LARP4: variants seen among roughly 807,000 people sequenced by gnomAD.
The protein encoded by LARP4 is La ribonucleoprotein 4.
In LARP4, 29 loss-of-function variants were observed where a neutral mutation model predicts 92.9. The observed-to-expected ratio is 0.31, with a 90% CI of 0.23 to 0.43. The LOEUF (loss-of-function observed/expected upper bound fraction) is 0.43, where lower values mean the gene tolerates loss of function less well. Ranked by LOEUF, LARP4 falls within the 20% of genes least tolerant of loss-of-function variation. The pLI, the probability that LARP4 is intolerant of heterozygous loss-of-function variation, is 1.00. For missense variants in LARP4, 732 were observed against 860.0 expected (o/e 0.85, Z 1.86); for synonymous variants, 279 against 284.1 (o/e 0.98, Z 0.18).
intron 3 of LARP4, 66 bp downstream of exon 3, chr12:50,429,156 T>C (rs1949258842): frequency 8.9e-7 from 1 of 1,123,008 alleles, no homozygotes; most frequent in South Asian, 1.4e-5. Flanking sequence ...CCATGGTCTC[T>C]TTATACTTGT....
intron 6 of LARP4, 51 bp from the exon 7 acceptor site, chr12:50,440,388 C>T (rs1330533574): frequency 7.6e-7 from 1 of 1,312,466 alleles, no homozygotes; most frequent in Non-Finnish European, 1.1e-6. Flanking sequence ...ACAAAAAATG[C>T]CAATTATTGA....
chr12:50,441,629 G>A lies in LARP4; in HGVS notation c.790G>A (p.Gly264Ser). 1 of 1,601,542 alleles carries A rather than the reference G, an allele frequency of 6.2e-7. No homozygotes were observed. The highest frequency in any genetic ancestry group is 8.5e-7 in the Non-Finnish European group (1 of 1,175,766). The change falls in exon 8 of 16, where the codon GGC becomes AGC. Residue 264 changes from glycine to serine, a missense_variant. By Grantham distance (56) the Gly-to-Ser change is moderately conservative. Transcript: ENST00000398473. ...YLREEVKTFQ[G>S]KPIMARIKAI... ...AAGAGAAGAAGTTAAAACATTTCAG[G>A]GCAAGCCAATTATGGTAAGAAATAG...
intron 1 of LARP4, among the ~76,000 whole-genome samples, chr12:50,414,271 A>G (rs1946395528): frequency 6.6e-6 from 1 of 152,164 alleles, no homozygotes; most frequent in African/African-American, 2.4e-5. Context: ...ACAGTATTGT[A>G]ACCTTTCAGG....
intron 1 of LARP4, among the ~76,000 whole-genome samples, chr12:50,407,570 C>T (rs1045357917): frequency 5.9e-5 from 9 of 151,896 alleles, no homozygotes; most frequent in Non-Finnish European, 1.0e-4. Context: ...TACAGCTGGG[C>T]GGGGTGACTC....
intron 13 of LARP4, among the ~76,000 whole-genome samples, chr12:50,468,889 T>TA (rs1482113857): frequency 1.3e-5 from 2 of 152,070 alleles, no homozygotes; most frequent in East Asian, 3.9e-4. Flanking sequence ...TCAAACATAA[T>TA]ATACTATGAT....
In LARP4 at chr12:50,479,789, G is replaced by C. The variant is rs1206794944; in HGVS notation, c.*3925G>C. 6.6e-6 allele frequency: 1 copy of C among 151,960 alleles called. No individual in the cohort carries two copies. Among genetic ancestry groups the C allele is most frequent in the African/African-American group, 2.4e-5 (1 of 41,322 alleles). 9.4% of individuals were successfully genotyped at this position (151,960 alleles called of 1,614,324 possible). ...GTCCTTTGCATCTCTTAAATGTTGG[G>C]GGTGGGGGTCAGAGCCAGTTATCCG... On this transcript the variant is annotated 3_prime_UTR_variant, in exon 16 of 16. Transcript: ENST00000398473.
chr12:50,432,148 CT>C (rs1273639520), intron 4 of LARP4, among the ~76,000 whole-genome samples: 27 of 152,264 alleles, frequency 1.8e-4, no homozygotes, highest in African/African-American at 6.5e-4. Context: ...ATTTATGGGT[CT>C]GCTTCTATTG....
chr12:50,419,257 G>A (rs1947343309), intron 1 of LARP4, among the ~76,000 whole-genome samples: 1 of 152,160 alleles, frequency 6.6e-6, no homozygotes, highest in African/African-American at 2.4e-5. Flanking sequence ...CCAGGTACTT[G>A]GGAGGCTGAG....
intron 10 of LARP4, among the ~76,000 whole-genome samples, chr12:50,455,867 C>T (rs920547143): frequency 2.0e-5 from 3 of 151,940 alleles, no homozygotes; most frequent in African/African-American, 7.3e-5. Context: ...GGCAATATGA[C>T]GAAACATCAT....
chr12:50,465,814 A>C (rs1471269072), intron 12 of LARP4, among the ~76,000 whole-genome samples: 1 of 152,222 alleles, frequency 6.6e-6, no homozygotes, highest in Non-Finnish European at 1.5e-5. Flanking sequence ...AAATTTACAG[A>C]GATATACCGC....
At position 50,442,307 on chromosome 12, in the gene LARP4, G is replaced by A. The variant is rs188754567; in HGVS notation, c.804+664G>A. Reference sequence around the variant, plus strand: ...TCATCTCAATTAACTGCATCACTACGTACCATCAATACAACCATTTGGAAA... The same window carrying A: ...TCATCTCAATTAACTGCATCACTACATACCATCAATACAACCATTTGGAAA... On this transcript the variant is annotated intron_variant, in intron 8 of 15. Coordinates refer to ENST00000398473, the MANE Select transcript of LARP4 (RefSeq NM_052879.5). 5.3e-5 allele frequency among the ~76,000 whole-genome samples: 8 copies of A among 152,178 alleles called. No homozygotes were observed. In the East Asian group the frequency reaches 1.2e-3, roughly 22 times the overall value.
chr12:50,461,676 G>A (rs1214308205), intron 11 of LARP4, among the ~76,000 whole-genome samples: 3 of 152,120 alleles, frequency 2.0e-5, no homozygotes, highest in Admixed American at 6.6e-5. Flanking sequence ...TATAGAAGTG[G>A]CTGGGTGCGG....
At chr12:50,471,565 G>A (rs927245791) in intron 13 of LARP4, among the ~76,000 whole-genome samples, 1 of 151,998 alleles carries the variant, frequency 6.6e-6, no homozygotes, top group Non-Finnish European at 1.5e-5. Context: ...GCTCTGTCGC[G>A]CAGGCTGGAG....
chr12:50,471,918 C>A (rs528035051), intron 13 of LARP4, among the ~76,000 whole-genome samples: 4 of 152,306 alleles, frequency 2.6e-5, no homozygotes, highest in African/African-American at 9.6e-5. Flanking sequence ...AATAATCTTT[C>A]ACTTCTGTGG....
chr12:50,432,618 G>C (rs1383260348), intron 4 of LARP4, among the ~76,000 whole-genome samples: 7 of 152,136 alleles, frequency 4.6e-5, no homozygotes, highest in Non-Finnish European at 8.8e-5. Context: ...CCAGCACTTT[G>C]GGAGGCCAAG....
chr12:50,430,993 C>T (rs1292976226), intron 4 of LARP4, among the ~76,000 whole-genome samples: 2 of 152,052 alleles, frequency 1.3e-5, no homozygotes, highest in South Asian at 2.1e-4. Context: ...TAGGGTCGGG[C>T]GCTGTGGCTC....
intron 4 of LARP4, 131 bp downstream of exon 4, chr12:50,430,701 G>A (rs915419281): frequency 5.3e-5 from 29 of 549,048 alleles, no homozygotes; most frequent in East Asian, 3.4e-4. Flanking sequence ...TCATGTTGTC[G>A]CTGGGCTGGA....
chr12:50,405,228 GAAAC>G (rs1944591589), intron 1 of LARP4, among the ~76,000 whole-genome samples: 2 of 152,186 alleles, frequency 1.3e-5, no homozygotes, highest in South Asian at 2.1e-4. Flanking sequence ...TTCTGAAGGA[GAAAC>G]AAACAATGTC....
chr12:50,440,659 A>G, intron 7 of LARP4, 110 bp downstream of exon 7: 1 of 681,464 alleles, frequency 1.5e-6, no homozygotes, highest in Non-Finnish European at 2.5e-6. Flanking sequence ...AAGACTAGTG[A>G]GTACCTTGGT....
Sources: allele counts gnomAD v4.1 joint callset (sites outside exome capture counted in the v4.1 genomes callset), GRCh38; gene constraint gnomAD v4.1.1; transcripts MANE v1.5; gene names NCBI Gene and HGNC (gene_info 2026-07-23, HGNC 2026-07-21).